PRKN: variants seen among roughly 807,000 people sequenced by gnomAD.
PRKN encodes parkin RBR E3 ubiquitin protein ligase, also known as E3 ubiquitin-protein ligase parkin.
Under a neutral mutation model 59.5 loss-of-function variants are expected in PRKN, and 56 were observed. The ratio of observed to expected loss-of-function variants is 0.94; its 90% CI spans 0.76 to 1.18. The LOEUF is 1.18. Among genes scored for constraint, PRKN ranks in the 50% most tolerant of loss-of-function variants. The pLI is 0.00. For synonymous variants in PRKN, 250 were observed against 222.1 expected (o/e 1.13, Z -1.12); for missense variants, 657 against 596.4 (o/e 1.10, Z -1.06).
chr6:162,684,075 T>C (rs1288397908), intron 1 of PRKN, among the ~76,000 whole-genome samples: 1 of 152,134 alleles, frequency 6.6e-6, no homozygotes, highest in East Asian at 1.9e-4. Context: ...CATTTCCCAT[T>C]AGAATGTTTA....
chr6:161,925,444 G>A (rs552181370), intron 6 of PRKN, among the ~76,000 whole-genome samples: 29 of 152,170 alleles, frequency 1.9e-4, no homozygotes, highest in Middle Eastern at 3.4e-3. Flanking sequence ...GGTGGCGGGC[G>A]CCTGTGATCC....
intron 1 of PRKN, among the ~76,000 whole-genome samples, chr6:162,511,779 A>ACGTG (rs1389881101): frequency 6.6e-6 from 1 of 152,152 alleles, no homozygotes; most frequent in Non-Finnish European, 1.5e-5. Flanking sequence ...CCCCCATGAT[A>ACGTG]CGTGATCTAC....
chr6:161,450,313 C>T (rs1185881934), intron 9 of PRKN, among the ~76,000 whole-genome samples: 1 of 152,150 alleles, frequency 6.6e-6, no homozygotes, highest in Non-Finnish European at 1.5e-5. Flanking sequence ...CCTACGCCTC[C>T]CTGACTCAAC....
At chr6:162,716,784 G>GCA (rs1778744364) in intron 1 of PRKN, among the ~76,000 whole-genome samples, 1 of 122,970 alleles carries the variant, frequency 8.1e-6, no homozygotes, top group Non-Finnish European at 1.7e-5. Context: ...ACACACACAC[G>GCA]CGCACACACA....
At position 161,575,674 on chromosome 6, in the gene PRKN, T is replaced by C. The variant is rs1025204909; in HGVS notation, c.872-6258A>G. On this transcript the variant is annotated intron_variant, in intron 7 of 11. Coordinates refer to ENST00000366898, the MANE Select transcript of PRKN (RefSeq NM_004562.3). This position sits in a 1 kb window ranked among gnomAD's most constrained non-coding sequence, Gnocchi z 4.6. ...CCCAGGCTTGGGATAGAAATGGAAA[T>C]GGATTTCAGCTCTCTGATGTGCTCC... is the stretch of plus-strand genomic sequence containing the variant. 6.6e-5 allele frequency among the ~76,000 whole-genome samples: 10 copies of C among 152,334 alleles called. No homozygotes were observed. The East Asian group carries it at 1.9e-3, about 29-fold the overall frequency.
intron 1 of PRKN, among the ~76,000 whole-genome samples, chr6:162,505,075 C>T (rs539841893): frequency 3.4e-4 from 52 of 152,268 alleles, no homozygotes; most frequent in Admixed American, 9.8e-4. Flanking sequence ...ATGAGCACTT[C>T]CATAAACTGC....
At chr6:161,674,077 C>G (rs1785003747) in intron 7 of PRKN, among the ~76,000 whole-genome samples, 1 of 151,994 alleles carries the variant, frequency 6.6e-6, no homozygotes, top group South Asian at 2.1e-4. Context: ...GATAAGACTA[C>G]CTACGGAGGG....
At chr6:161,621,364 A>G (rs1436827133) in intron 7 of PRKN, among the ~76,000 whole-genome samples, 1 of 152,100 alleles carries the variant, frequency 6.6e-6, no homozygotes, top group Non-Finnish European at 1.5e-5. Context: ...AGAGAAGCTG[A>G]TAGTGTAATT....
chr6:161,955,780 G>T (rs559940991), intron 6 of PRKN, among the ~76,000 whole-genome samples: 28 of 152,310 alleles, frequency 1.8e-4, no homozygotes, highest in African/African-American at 6.7e-4. Flanking sequence ...AACTGGAGAG[G>T]TGGAGGTTGC....
rs1219809625 is a variant in PRKN at position 162,309,328 on chromosome 6, C to T, written c.172-46563G>A. Among the ~76,000 whole-genome samples, 6 of 152,128 alleles carry T rather than the reference C, an allele frequency of 3.9e-5. No homozygotes were observed. In the East Asian group the frequency reaches 1.2e-3, roughly 29 times the overall value. ...CACAGGTGCCTGCCACCATGGCCAA[C>T]TAATTTTTGTATTTTTAGTAGAGAT... On this transcript the variant is annotated intron_variant, in intron 2 of 11. Transcript: ENST00000366898.
At chr6:161,859,076 G>A (rs1440377537) in intron 6 of PRKN, among the ~76,000 whole-genome samples, 1 of 151,004 alleles carries the variant, frequency 6.6e-6, no homozygotes, top group Non-Finnish European at 1.5e-5. Context: ...CACCATGTTG[G>A]CCAGGCTGGT....
chr6:162,177,297 G>A (rs1179497692), intron 4 of PRKN, among the ~76,000 whole-genome samples: 1 of 151,992 alleles, frequency 6.6e-6, no homozygotes, highest in African/African-American at 2.4e-5. Flanking sequence ...AACAAATTCA[G>A]AAGAAAAAAG....
chr6:162,612,576 A>C (rs986975177), intron 1 of PRKN, among the ~76,000 whole-genome samples: 5 of 140,592 alleles, frequency 3.6e-5, no homozygotes, highest in Admixed American at 1.5e-4. Context: ...CAGCCTGAGC[A>C]ACAAGAGTGA....
intron 8 of PRKN, among the ~76,000 whole-genome samples, chr6:161,563,524 T>G (rs1295791934): frequency 6.6e-6 from 1 of 152,160 alleles, no homozygotes; most frequent in Non-Finnish European, 1.5e-5. Context: ...TGCCAAAGAA[T>G]TTGGACTAGG....
intron 6 of PRKN, among the ~76,000 whole-genome samples, chr6:161,903,841 C>T (rs9365347): frequency 0.35 from 52,174 of 149,542 alleles, 9,333 homozygotes; most frequent in East Asian, 0.46. Flanking sequence ...TGTATGTATG[C>T]GCAGTGCTGG....
chr6:162,560,204 C>A (rs1779777720), intron 1 of PRKN, among the ~76,000 whole-genome samples: 1 of 152,144 alleles, frequency 6.6e-6, no homozygotes, highest in Admixed American at 6.5e-5. Flanking sequence ...CATTCAGATA[C>A]AACTATTTGC....
chr6:161,617,834 C>T (rs1782752890), intron 7 of PRKN, among the ~76,000 whole-genome samples: 1 of 152,218 alleles, frequency 6.6e-6, no homozygotes, highest in Non-Finnish European at 1.5e-5. Flanking sequence ...CCAGAACTGC[C>T]AATCGGAAGA....
intron 1 of PRKN, among the ~76,000 whole-genome samples, chr6:162,488,008 C>T (rs1792625069): frequency 6.7e-6 from 1 of 149,308 alleles, no homozygotes; most frequent in Non-Finnish European, 1.5e-5. Flanking sequence ...TAAGAACAGA[C>T]ACTACATCCA....
At chr6:162,400,244 CAAAG>C (rs1198494068) in intron 2 of PRKN, among the ~76,000 whole-genome samples, 2 of 149,068 alleles carry the variant, frequency 1.3e-5, no homozygotes, top group Admixed American at 6.7e-5. Context: ...AAAAAAAAAA[CAAAG>C]AAGATTTGAA....
Sources: gnomAD v4.1 joint callset for allele counts (sites outside exome capture counted in the v4.1 genomes callset) on GRCh38, gnomAD v4.1.1 for gene constraint, Gnocchi (gnomAD v3.1) non-coding constraint, MANE v1.5 for transcripts, NCBI Gene and HGNC (gene_info 2026-07-23, HGNC 2026-07-21) for gene names.